Variants in CDIN1 observed in about 807,000 individuals in gnomAD.
CDIN1 encodes CDAN1-interacting nuclease 1.
CDIN1 carries 33 observed loss-of-function variants against 45.3 expected under a neutral mutation model. The observed-to-expected ratio is 0.73, with a 90% CI of 0.55 to 0.97. The LOEUF (loss-of-function observed/expected upper bound fraction) is 0.97. Ranked by LOEUF, CDIN1 falls within the 50% of genes least tolerant of loss-of-function variation. The pLI is 0.00. For synonymous variants in CDIN1, 118 were observed against 124.4 expected (o/e 0.95, Z 0.34); for missense variants, 303 against 339.4 (o/e 0.89, Z 0.84).
intron 1 of CDIN1, among the ~76,000 whole-genome samples, chr15:36,635,768 T>A (rs1005883025): frequency 1.3e-5 from 2 of 152,132 alleles, no homozygotes; most frequent in African/African-American, 4.8e-5. Flanking sequence ...TGAAGAAGAA[T>A]CAAATAGAAA....
chr15:36,614,291 C>T, intron 1 of CDIN1: 1 of 584,136 alleles, frequency 1.7e-6, no homozygotes, highest in Non-Finnish European at 3.3e-6. Flanking sequence ...TAACTGAGGG[C>T]CGATCTTTAA....
At chr15:36,701,084 A>G (rs914036020) in intron 8 of CDIN1, among the ~76,000 whole-genome samples, 3 of 147,240 alleles carry the variant, frequency 2.0e-5, no homozygotes. Flanking sequence ...TAAAATAGGT[A>G]GGTAGGTAGG....
At chr15:36,689,277 A>G (rs188858893) in intron 5 of CDIN1, among the ~76,000 whole-genome samples, 12 of 152,224 alleles carry the variant, frequency 7.9e-5, no homozygotes, top group African/African-American at 1.7e-4. Context: ...TTCTTATGTC[A>G]CGGAGTATTG....
At chr15:36,620,806 G>C (rs1354057748) in intron 1 of CDIN1, among the ~76,000 whole-genome samples, 7 of 151,592 alleles carry the variant, frequency 4.6e-5, no homozygotes, top group Non-Finnish European at 8.8e-5. Context: ...CTTAATTTTG[G>C]GGGGGGACTT....
At chr15:36,779,992 T>G (rs2054309670) in intron 10 of CDIN1, among the ~76,000 whole-genome samples, 1 of 152,192 alleles carries the variant, frequency 6.6e-6, no homozygotes. Context: ...CTTCTAAAGT[T>G]CAAATGAGTT....
chr15:36,700,472 A>G (rs904217439), intron 8 of CDIN1, among the ~76,000 whole-genome samples: 2 of 152,120 alleles, frequency 1.3e-5, no homozygotes, highest in Non-Finnish European at 2.9e-5. Context: ...CTCAACATCA[A>G]TCACTATCCT....
chr15:36,754,914 A>G (rs1164738578), intron 10 of CDIN1, among the ~76,000 whole-genome samples: 1 of 152,182 alleles, frequency 6.6e-6, no homozygotes, highest in Non-Finnish European at 1.5e-5. Flanking sequence ...TACCAAAAAA[A>G]AGGCCCACCC....
chr15:36,640,612 A>C (rs1314568052), intron 1 of CDIN1: 5 of 985,196 alleles, frequency 5.1e-6, no homozygotes, highest in Non-Finnish European at 6.0e-6. Context: ...CAGAGATTGC[A>C]TACTCAAGAA....
At chr15:36,617,445 A>G in intron 1 of CDIN1, 1 of 1,035,630 alleles carries the variant, frequency 9.7e-7, no homozygotes. Context: ...CAGAAGACCT[A>G]AAAGAATGTC....
chr15:36,770,464 T>TTAG (rs2054046842), intron 10 of CDIN1, among the ~76,000 whole-genome samples: 2 of 151,922 alleles, frequency 1.3e-5, no homozygotes, highest in Non-Finnish European at 2.9e-5. Flanking sequence ...ATTATTATTA[T>TTAG]TGGAGATAGG....
At chr15:36,729,232 C>G (rs1044049760) in intron 10 of CDIN1, among the ~76,000 whole-genome samples, 2 of 152,034 alleles carry the variant, frequency 1.3e-5, no homozygotes, top group East Asian at 3.9e-4. Context: ...CACTGAGGAA[C>G]TAGTACTTTC....
chr15:36,732,823 TAA>T lies in CDIN1; in HGVS notation c.716+22863_716+22864del, dbSNP rs527565567. 4.3e-3 allele frequency among the ~76,000 whole-genome samples: 653 copies of T among 152,188 alleles called. 5 individuals carry two copies. The highest frequency in any genetic ancestry group is 0.015 in the African/African-American group (627 of 41,564). On this transcript the variant is annotated intron_variant, in intron 10 of 10. Coordinates refer to ENST00000566621, the MANE Select transcript of CDIN1 (RefSeq NM_001321759.2). The stretch of plus-strand genomic sequence containing the variant: ...TTCTAGTATTTTCTTATCACCAGTA[TAA>T]GTTTTTAAGTCATAAGATATAACCT...
chr15:36,775,264 T>C (rs1275951047), intron 10 of CDIN1, among the ~76,000 whole-genome samples: 2 of 152,252 alleles, frequency 1.3e-5, no homozygotes, highest in Non-Finnish European at 2.9e-5. Flanking sequence ...CAGTTTTATC[T>C]AGCTGTAATC....
rs1407093434 is a variant in CDIN1, at chr15:36,624,772, A to G, written c.102-19506A>G. Among the ~76,000 whole-genome samples the G allele has an allele frequency of 5.9e-5, 9 of 152,304 alleles. No individual in the cohort carries two copies. In the East Asian group the frequency reaches 1.5e-3, roughly 26 times the overall value. On this transcript the variant is annotated intron_variant, in intron 1 of 10. Coordinates refer to ENST00000566621, the MANE Select transcript of CDIN1 (RefSeq NM_001321759.2). ...AGATTATTAATACCATTATTTTAATATAACTGAGAATTTATTTGGGAAGAA... is the reference window on the plus strand; with the variant it reads ...AGATTATTAATACCATTATTTTAATGTAACTGAGAATTTATTTGGGAAGAA...
Position 36,709,217 on chromosome 15 carries a change from C to T in CDIN1, c.545-6C>T. The T allele has an allele frequency of 6.3e-7, 1 of 1,590,274 alleles. No homozygotes were observed. The highest frequency in any genetic ancestry group is 8.6e-7 in the Non-Finnish European group (1 of 1,168,862). On this transcript the variant is annotated splice_region_variant and splice_polypyrimidine_tract_variant and intron_variant, in intron 8 of 10. Transcript: ENST00000566621. Reference sequence around the variant, plus strand: ...TTTAAGTAAATAGTGTTTGTTCTTCCTGTAGATGAAGATCAGCTTCGTGCA... The same window carrying T: ...TTTAAGTAAATAGTGTTTGTTCTTCTTGTAGATGAAGATCAGCTTCGTGCA...
chr15:36,699,055 A>G (rs2042538444), intron 8 of CDIN1, among the ~76,000 whole-genome samples: 1 of 152,214 alleles, frequency 6.6e-6, no homozygotes, highest in Non-Finnish European at 1.5e-5. Flanking sequence ...TGTGCTGTAG[A>G]ATCTAGAGGT....
intron 10 of CDIN1, among the ~76,000 whole-genome samples, chr15:36,781,540 C>A (rs2054352914): frequency 6.6e-6 from 1 of 152,162 alleles, no homozygotes; most frequent in Non-Finnish European, 1.5e-5. Context: ...CAATAGGTGT[C>A]CATTCTGCAT....
chr15:36,586,589 A>G (rs887875835), intron 1 of CDIN1, among the ~76,000 whole-genome samples: 8 of 152,194 alleles, frequency 5.3e-5, no homozygotes, highest in Non-Finnish European at 8.8e-5. Context: ...ACAAACAGCA[A>G]CAACAATAAC....
intron 10 of CDIN1, chr15:36,804,694 T>TC (rs1555411621): frequency 6.8e-6 from 1 of 147,758 alleles, no homozygotes; most frequent in Non-Finnish European, 1.5e-5. Flanking sequence ...TTTTTTTTTT[T>TC]CAGAGTCTTG....
Sources: allele counts gnomAD v4.1 joint callset (sites outside exome capture counted in the v4.1 genomes callset), GRCh38; gene constraint gnomAD v4.1.1; transcripts MANE v1.5; gene names NCBI Gene and HGNC (gene_info 2026-07-23, HGNC 2026-07-21).